Variants in ENTREP2 observed in about 807,000 individuals in gnomAD.
ENTREP2 encodes the protein protein ENTREP2.
At chr15:29,603,404 A>T in the ENTREP2 span, among the ~76,000 whole-genome samples, 1 of 152,110 alleles carries the variant, frequency 6.6e-6, no homozygotes, top group East Asian at 1.9e-4. Flanking sequence ...GGGTTTTCTC[A>T]AGCCCTCTGG....
the ENTREP2 span, among the ~76,000 whole-genome samples, chr15:29,488,218 A>G: frequency 6.6e-6 from 1 of 152,232 alleles, no homozygotes; most frequent in Admixed American, 6.5e-5. Flanking sequence ...GTGAATTGAA[A>G]TAAAGATATA....
the ENTREP2 span, among the ~76,000 whole-genome samples, chr15:29,307,780 A>G: frequency 6.6e-6 from 1 of 152,170 alleles, no homozygotes; most frequent in Non-Finnish European, 1.5e-5. Context: ...ACACAGTGGG[A>G]AGGCGGCCGT....
chr15:29,524,683 C>T, the ENTREP2 span, among the ~76,000 whole-genome samples: 2 of 152,192 alleles, frequency 1.3e-5, no homozygotes, highest in Admixed American at 6.5e-5. Context: ...ATGGGCGCCT[C>T]GCTGGATCAG....
At chr15:29,607,500 TCATTTC>T in the ENTREP2 span, among the ~76,000 whole-genome samples, 1 of 152,146 alleles carries the variant, frequency 6.6e-6, no homozygotes, top group Non-Finnish European at 1.5e-5. Context: ...AGTTGTCACT[TCATTTC>T]CAAGTTTCTC....
At chr15:29,331,385 T>G in the ENTREP2 span, among the ~76,000 whole-genome samples, 1 of 151,694 alleles carries the variant, frequency 6.6e-6, no homozygotes, top group Admixed American at 6.6e-5. Flanking sequence ...AAGGCCACAG[T>G]GCAACACAGG....
the ENTREP2 span, among the ~76,000 whole-genome samples, chr15:29,451,763 C>A: frequency 6.6e-6 from 1 of 152,154 alleles, no homozygotes; most frequent in African/African-American, 2.4e-5. Flanking sequence ...CCTGCTCATC[C>A]CAGTGACCTT....
chr15:29,455,306 C>T, the ENTREP2 span, among the ~76,000 whole-genome samples: 3 of 152,070 alleles, frequency 2.0e-5, no homozygotes, highest in Non-Finnish European at 4.4e-5. Context: ...ATGAGCTCAG[C>T]AAAGAGAGCC....
chr15:29,124,201 G>A, the ENTREP2 span, among the ~76,000 whole-genome samples: 1 of 152,184 alleles, frequency 6.6e-6, no homozygotes, highest in African/African-American at 2.4e-5. Flanking sequence ...CAGCCTCTCT[G>A]CATGACCCAC....
At chr15:29,644,932 G>C in the ENTREP2 span, among the ~76,000 whole-genome samples, 1 of 152,108 alleles carries the variant, frequency 6.6e-6, no homozygotes, top group African/African-American at 2.4e-5. Context: ...GGATCAGCCA[G>C]GCATGGTAGC....
At chr15:29,459,378 G>A in the ENTREP2 span, among the ~76,000 whole-genome samples, 1 of 152,132 alleles carries the variant, frequency 6.6e-6, no homozygotes, top group Non-Finnish European at 1.5e-5. Flanking sequence ...GAGGAGAGAT[G>A]AGTCCCATCA....
chr15:29,172,413 G>C, the ENTREP2 span, among the ~76,000 whole-genome samples: 4 of 152,172 alleles, frequency 2.6e-5, no homozygotes, highest in Non-Finnish European at 4.4e-5. Flanking sequence ...AGGAAGGGAA[G>C]AGTGTCTTCT....
At chr15:29,433,075 C>T in the ENTREP2 span, among the ~76,000 whole-genome samples, 931 of 152,316 alleles carry the variant, frequency 6.1e-3, 4 homozygotes, top group Non-Finnish European at 0.01. Flanking sequence ...GTCTCAATCA[C>T]ACCACTGCCC....
the ENTREP2 span, among the ~76,000 whole-genome samples, chr15:29,417,828 G>A: frequency 6.6e-6 from 1 of 152,242 alleles, no homozygotes; most frequent in African/African-American, 2.4e-5. Flanking sequence ...ATGAACAGGA[G>A]TGGAGTCATG....
chr15:29,504,618 C>T, the ENTREP2 span, among the ~76,000 whole-genome samples: 2 of 152,160 alleles, frequency 1.3e-5, no homozygotes, highest in East Asian at 1.9e-4. Flanking sequence ...AATTCTGCCT[C>T]GTGCTTTTAT....
At chr15:29,196,928 T>G in the ENTREP2 span, among the ~76,000 whole-genome samples, 1 of 152,182 alleles carries the variant, frequency 6.6e-6, no homozygotes, top group Non-Finnish European at 1.5e-5. Flanking sequence ...CTCATTCTCC[T>G]TCCACAGTCA....
chr15:29,555,872 C>T, the ENTREP2 span, among the ~76,000 whole-genome samples: 4 of 152,318 alleles, frequency 2.6e-5, no homozygotes, highest in East Asian at 7.7e-4. Flanking sequence ...ATTCGTTCTT[C>T]ACCACCACCT....
the ENTREP2 span, among the ~76,000 whole-genome samples, chr15:29,186,764 T>C: frequency 2.6e-5 from 4 of 152,200 alleles, no homozygotes; most frequent in Non-Finnish European, 4.4e-5. Flanking sequence ...CTCATAAAGC[T>C]GAGTTGAAAG....
At chr15:29,289,752 A>G in the ENTREP2 span, among the ~76,000 whole-genome samples, 1 of 152,056 alleles carries the variant, frequency 6.6e-6, no homozygotes, top group Non-Finnish European at 1.5e-5. Flanking sequence ...AGGCTGAGGC[A>G]GGAGAATCAC....
At chr15:29,220,955 G>A in the ENTREP2 span, among the ~76,000 whole-genome samples, 2 of 152,102 alleles carry the variant, frequency 1.3e-5, no homozygotes, top group African/African-American at 4.8e-5. Context: ...TAGTAGATCT[G>A]AGTCACAGGC....
Sources: allele counts gnomAD v4.1 joint callset (sites outside exome capture counted in the v4.1 genomes callset), GRCh38; gene constraint gnomAD v4.1.1; transcripts MANE v1.5; gene names NCBI Gene and HGNC (gene_info 2026-07-23, HGNC 2026-07-21).